RGS20: variants seen among roughly 807,000 people sequenced by gnomAD.
RGS20 encodes gz-selective GTPase-activating protein.
A neutral mutation model predicts 33.6 loss-of-function variants in RGS20; 30 were observed. That is an observed-to-expected ratio of 0.89 (90% CI 0.67 to 1.21). The LOEUF (loss-of-function observed/expected upper bound fraction) is 1.21, where lower values mean the gene tolerates loss of function less well. Among genes scored for constraint, RGS20 ranks in the 50% most tolerant of loss-of-function variants. The pLI, the probability that RGS20 is intolerant of heterozygous loss-of-function variation, is 0.00. For missense variants in RGS20, 472 were observed against 502.4 expected, an observed-to-expected ratio of 0.94 and a Z score of 0.58; for synonymous variants, 208 against 197.9, an observed-to-expected ratio of 1.05 and a Z score of -0.43.
At chr8:53,868,522 C>T (rs540193137) in intron 1 of RGS20, among the ~76,000 whole-genome samples, 26 of 151,946 alleles carry the variant, frequency 1.7e-4, no homozygotes, top group Admixed American at 8.5e-4. Context: ...ATTGATATAA[C>T]GTTTATAGGA....
intron 1 of RGS20, among the ~76,000 whole-genome samples, chr8:53,852,774 A>T (rs544421974): frequency 6.6e-6 from 1 of 152,300 alleles, no homozygotes; most frequent in South Asian, 2.1e-4. Context: ...ATGCTGCAAA[A>T]CTATAAAACT....
chr8:53,880,926 C>T (rs915499737), intron 2 of RGS20: 14 of 1,548,292 alleles, frequency 9.0e-6, no homozygotes, highest in African/African-American at 4.1e-5. Flanking sequence ...GACCGAGAGC[C>T]GGAGAAAGGC....
At chr8:53,939,862 C>T (rs1390873654) in intron 3 of RGS20, 138 bp downstream of exon 2, 11 of 994,490 alleles carry the variant, frequency 1.1e-5, no homozygotes, top group African/African-American at 1.6e-5. Context: ...TACTATATGC[C>T]TGACACACAG....
chr8:53,909,303 G>T (rs1201713144), intron 2 of RGS20, among the ~76,000 whole-genome samples: 2 of 145,280 alleles, frequency 1.4e-5, no homozygotes, highest in African/African-American at 5.1e-5. Flanking sequence ...AGGCTGGAGA[G>T]CAGTGGTGTT....
At chr8:53,931,667 G>A (rs1813965993) in intron 2 of RGS20, among the ~76,000 whole-genome samples, 1 of 152,188 alleles carries the variant, frequency 6.6e-6, no homozygotes. Flanking sequence ...CAATGCAGAA[G>A]GTGGGTGACT....
intron 2 of RGS20, chr8:53,880,896 G>T: frequency 6.7e-7 from 1 of 1,502,508 alleles, no homozygotes; most frequent in South Asian, 1.2e-5. Flanking sequence ...AAGAGGCCGG[G>T]AGAAGAGGGC....
chr8:53,929,489 T>G (rs991487207), intron 2 of RGS20, among the ~76,000 whole-genome samples: 1 of 152,078 alleles, frequency 6.6e-6, no homozygotes, highest in African/African-American at 2.4e-5. Context: ...AAAATCAGCC[T>G]GACTCCCATC....
chr8:53,874,473 A>C (rs1317529919), intron 1 of RGS20, among the ~76,000 whole-genome samples: 1 of 151,710 alleles, frequency 6.6e-6, no homozygotes, highest in Admixed American at 6.6e-5. Flanking sequence ...TGGCTCATGT[A>C]ATTGTGGAGG....
At chr8:53,918,152 T>C (rs1305849682) in intron 2 of RGS20, among the ~76,000 whole-genome samples, 2 of 152,148 alleles carry the variant, frequency 1.3e-5, no homozygotes, top group South Asian at 4.1e-4. Context: ...CTTAGCACAG[T>C]CACAAAGTTG....
rs7824535 is a variant in RGS20 at position 53,894,075 on chromosome 8, T to C, written c.510+14473T>C. On this transcript the variant is annotated intron_variant, in intron 2 of 5. Transcript: ENST00000297313. ...GGTCTGATAATTAGGAGGCTACATA[T>C]AGCTTATATTTTCTTAATTGAAACA... 7.7e-3 allele frequency among the ~76,000 whole-genome samples: 1,172 copies of C among 152,268 alleles called. 10 individuals carry two copies. The highest frequency in any genetic ancestry group is 0.026 in the African/African-American group (1,064 of 41,556).
In RGS20 at chr8:53,882,043, C is replaced by T. The variant is rs541594956; in HGVS notation, c.510+2441C>T. Among the ~76,000 whole-genome samples, 87 of 151,734 alleles carry T rather than the reference C, an allele frequency of 5.7e-4. 1 individual carries two copies. The South Asian group carries it at 0.012, about 21-fold the overall frequency. On this transcript the variant is annotated intron_variant, in intron 2 of 5. Coordinates refer to ENST00000297313, the MANE Select transcript of RGS20 (RefSeq NM_170587.4). Reference sequence around the variant, plus strand: ...GGGCCAGGGGCCTCTAGGGAAGCGGCGCTCCGGGACCGGGGTGGCTTTCCC... The same window carrying T: ...GGGCCAGGGGCCTCTAGGGAAGCGGTGCTCCGGGACCGGGGTGGCTTTCCC...
At chr8:53,928,021 T>A (rs1813852515) in intron 2 of RGS20, among the ~76,000 whole-genome samples, 3 of 152,302 alleles carry the variant, frequency 2.0e-5, no homozygotes, top group Admixed American at 2.0e-4. Flanking sequence ...AATGCATTAA[T>A]TCACTTCATT....
intron 2 of RGS20, among the ~76,000 whole-genome samples, chr8:53,929,375 T>A (rs1325612427): frequency 3.3e-5 from 5 of 152,154 alleles, no homozygotes; most frequent in Non-Finnish European, 4.4e-5. Flanking sequence ...GTCTCAAAAA[T>A]TTTTTTAAAA....
intron 4 of RGS20, among the ~76,000 whole-genome samples, chr8:53,950,836 A>G (rs557461752): frequency 6.6e-6 from 1 of 152,176 alleles, no homozygotes; most frequent in East Asian, 1.9e-4. Context: ...GTTGGTCTCA[A>G]ACTCCTGAGC....
chr8:53,881,067 A>G (rs778614991), intron 2 of RGS20: 1 of 1,508,048 alleles, frequency 6.6e-7, no homozygotes, highest in Admixed American at 2.3e-5. Flanking sequence ...CCCGGCCGGC[A>G]GGGTGGACGG....
intron 1 of RGS20, among the ~76,000 whole-genome samples, chr8:53,873,493 G>A (rs1812124093): frequency 6.6e-6 from 1 of 152,040 alleles, no homozygotes; most frequent in Non-Finnish European, 1.5e-5. Context: ...TACAATATTT[G>A]TCCTTTTGTG....
intron 2 of RGS20, among the ~76,000 whole-genome samples, chr8:53,914,185 C>T (rs963976521): frequency 1.3e-5 from 2 of 152,126 alleles, no homozygotes; most frequent in African/African-American, 4.8e-5. Flanking sequence ...CATGCATCAC[C>T]ACATCTGGCT....
chr8:53,893,550 C>A (rs772383382), intron 2 of RGS20, among the ~76,000 whole-genome samples: 4 of 152,146 alleles, frequency 2.6e-5, no homozygotes, highest in African/African-American at 4.8e-5. Context: ...TCAGTGACAG[C>A]CGGCTTTGCT....
In RGS20 at chr8:53,939,610, G is replaced by T; in HGVS notation, c.545G>T (p.Arg182Leu). 1 of 1,604,516 alleles carries T rather than the reference G, an allele frequency of 6.2e-7. No homozygotes were observed. The highest frequency in any genetic ancestry group is 1.3e-5 in the African/African-American group (1 of 74,894). ...TCAGAGCGGATGGAGATGCGGAAGC[G>T]GCAGATGCCCGCCGCCCAGGACACA... The change falls in exon 3 of 6, where the codon CGG becomes CTG. Residue 182 changes from arginine to leucine, a missense_variant. Around this residue, in one of 3 missense-constraint regions of RGS20, gnomAD observed 319 missense variants for 283.4 expected, o/e 1.13. Coordinates refer to ENST00000297313, the MANE Select transcript of RGS20 (RefSeq NM_170587.4).
Sources: gnomAD v4.1 joint callset for allele counts (sites outside exome capture counted in the v4.1 genomes callset) on GRCh38, gnomAD v4.1.1 for gene constraint, gnomAD v4.1.1 regional missense constraint, MANE v1.5 for transcripts, NCBI Gene and HGNC (gene_info 2026-07-23, HGNC 2026-07-21) for gene names.